Variants in SLC41A1 observed in about 807,000 individuals in gnomAD.
SLC41A1 encodes the protein solute carrier family 41 member 1.
A neutral mutation model predicts 47.3 loss-of-function variants in SLC41A1; 20 were observed. The observed-to-expected ratio is 0.42, with a 90% CI of 0.30 to 0.61. The LOEUF is 0.61. Ranked by LOEUF, SLC41A1 falls within the 20% of genes least tolerant of loss-of-function variation. The probability of loss-of-function intolerance (pLI) is 0.17; values close to 1 mark genes in which losing one functional copy is unlikely to be tolerated. For missense variants in SLC41A1, 504 were observed against 674.1 expected, an observed-to-expected ratio of 0.75 and a Z score of 2.79; for synonymous variants, 282 against 272.7, an observed-to-expected ratio of 1.03 and a Z score of -0.34.
intron 10 of SLC41A1, among the ~76,000 whole-genome samples, chr1:205,793,342 A>G (rs1347458482): frequency 6.6e-6 from 1 of 152,188 alleles, no homozygotes; most frequent in East Asian, 1.9e-4. Flanking sequence ...GGTATTCATC[A>G]TGGGTGATGG....
chr1:205,796,142 G>A (rs1370687758), intron 8 of SLC41A1: 2 of 160,184 alleles, frequency 1.2e-5, no homozygotes, highest in African/African-American at 4.8e-5. Flanking sequence ...TGTTCAGTGG[G>A]AGGCAACAGC....
At chr1:205,805,000 C>T (rs1015900975) in intron 2 of SLC41A1, among the ~76,000 whole-genome samples, 6 of 152,134 alleles carry the variant, frequency 3.9e-5, no homozygotes, top group Non-Finnish European at 1.5e-5. Flanking sequence ...ACCATAAGCA[C>T]CCCAAATCTC....
At chr1:205,800,921 T>C (rs757688432) in intron 3 of SLC41A1, 32 bp downstream of exon 3, 1 of 1,589,264 alleles carries the variant, frequency 6.3e-7, no homozygotes, top group Admixed American at 1.7e-5. Flanking sequence ...GAGTCCTCTC[T>C]GTGCCCCACT....
intron 7 of SLC41A1, among the ~76,000 whole-genome samples, chr1:205,797,242 C>T (rs1485447658): frequency 6.6e-6 from 1 of 152,248 alleles, no homozygotes; most frequent in African/African-American, 2.4e-5. Flanking sequence ...CAACCACCTC[C>T]TGTACCTGCC....
chr1:205,793,636 T>C (rs575110237), intron 10 of SLC41A1, among the ~76,000 whole-genome samples: 5 of 152,226 alleles, frequency 3.3e-5, no homozygotes, highest in African/African-American at 9.7e-5. Context: ...AATTATGGTC[T>C]GTGTATCACA....
In SLC41A1 at chr1:205,804,045, A is replaced by C. The variant is rs571592631; in HGVS notation, c.373-2985T>G. ...CTGGGGAAGATGAGGAGTTCTGGAGATCTGTTGTACAATGAGGTGAATATA... is the reference window on the plus strand; with the variant it reads ...CTGGGGAAGATGAGGAGTTCTGGAGCTCTGTTGTACAATGAGGTGAATATA... On this transcript the variant is annotated intron_variant, in intron 2 of 10. Transcript: ENST00000367137. Among the ~76,000 whole-genome samples the C allele has an allele frequency of 1.2e-3, 187 of 152,266 alleles. No individual in the cohort carries two copies. The Middle Eastern group carries it at 0.014, about 11-fold the overall frequency.
At chr1:205,797,076 C>A in intron 7 of SLC41A1, 73 bp from the exon 8 acceptor site, 1 of 1,310,768 alleles carries the variant, frequency 7.6e-7, no homozygotes, top group Middle Eastern at 1.8e-4. Flanking sequence ...GATGAGAGGT[C>A]CAGGCCCACC....
rs1441328834 is a variant in SLC41A1 at position 205,800,959 on chromosome 1, G to A, written c.474C>T (p.Ser158=). 1.2e-6 allele frequency: 2 copies of A among 1,613,902 alleles called. No homozygotes were observed. Among genetic ancestry groups the A allele is most frequent in the Non-Finnish European group, 1.7e-6 (2 of 1,179,938 alleles). Residue 158 remains serine (S), a synonymous_variant, in exon 3 of 11, where the codon TCC becomes TCT. Transcript: ENST00000367137. ...TCCCAGCCAGGATACTCACTGCAGT[G>A]GAAAGCCTTGATGCCAGGGTCATTT... ...NLEMTLASRL[S]TAANIGHMDT... is the part of the protein sequence containing the mutation.
chr1:205,793,614 C>G (rs766256052), intron 10 of SLC41A1, among the ~76,000 whole-genome samples: 1 of 152,164 alleles, frequency 6.6e-6, no homozygotes, highest in Non-Finnish European at 1.5e-5. Flanking sequence ...CAATACAGGA[C>G]TGGCGAAATA....
At position 205,798,725 on chromosome 1, in the gene SLC41A1, T is replaced by C; in HGVS notation, c.788A>G (p.Asp263Gly). The C allele has an allele frequency of 6.2e-7, 1 of 1,614,072 alleles. No individual in the cohort carries two copies. Among genetic ancestry groups the C allele is most frequent in the Non-Finnish European group, 8.5e-7 (1 of 1,180,020 alleles). The change falls in exon 6 of 11, where the codon GAC becomes GGC. Residue 263 changes from aspartate (D) to glycine (G), a missense_variant. Physicochemically the swap from Asp to Gly is moderately conservative, Grantham distance 94. Transcript: ENST00000367137. The part of the protein sequence containing the change: ...VATPIAASLG[D>G]LITLALLSGI... ...TGAGAGCAGCGCCAAGGTGATGAGG[T>C]CGCCCAGGCTGGCAGCAATGGGTGT...
At chr1:205,809,355 C>A (rs1317011009) in intron 2 of SLC41A1, among the ~76,000 whole-genome samples, 2 of 152,202 alleles carry the variant, frequency 1.3e-5, no homozygotes, top group African/African-American at 2.4e-5. Context: ...ACCCTCTTTG[C>A]CCAGGGCAGG....
intron 7 of SLC41A1, 51 bp from the exon 8 acceptor site, chr1:205,797,054 CT>C: frequency 6.5e-7 from 1 of 1,541,148 alleles, no homozygotes; most frequent in Non-Finnish European, 8.9e-7. Flanking sequence ...AGGGTTCTGC[CT>C]TAGTCTCTGG....
chr1:205,800,958 T>C lies in SLC41A1; in HGVS notation c.475A>G (p.Thr159Ala). The change falls in exon 3 of 11, where the codon ACT (threonine) becomes GCT (alanine). Residue 159 changes from threonine to alanine, a missense_variant. By Grantham distance (58) the Thr-to-Ala change is moderately conservative (BLOSUM62 0). Around this residue, in one of 2 missense-constraint regions of SLC41A1, gnomAD observed 421 missense variants for 601.6 expected, o/e 0.70. Transcript: ENST00000367137. ...LEMTLASRLS[T>A]AANIGHMDTP... Reference sequence around the variant, plus strand: ...CTCCCAGCCAGGATACTCACTGCAGTGGAAAGCCTTGATGCCAGGGTCATT... The same window carrying C: ...CTCCCAGCCAGGATACTCACTGCAGCGGAAAGCCTTGATGCCAGGGTCATT... The C allele has an allele frequency of 6.2e-7, 1 of 1,613,952 alleles. No individual in the cohort carries two copies. Among genetic ancestry groups the C allele is most frequent in the South Asian group, 1.1e-5 (1 of 91,078 alleles).
intron 5 of SLC41A1, 28 bp from the exon 6 acceptor site, chr1:205,798,843 G>C: frequency 6.2e-7 from 1 of 1,614,184 alleles, no homozygotes; most frequent in Non-Finnish European, 8.5e-7. Flanking sequence ...GGAGGGGCAG[G>C]CAGGGTGAGA....
Position 205,791,832 on chromosome 1 carries a change from A to C in SLC41A1, c.1357-114T>G. The C allele has an allele frequency of 7.5e-7, 1 of 1,339,686 alleles. No individual in the cohort carries two copies. The highest frequency in any genetic ancestry group is 1.0e-6 in the Non-Finnish European group (1 of 957,636). The allele number at this position is 1,339,686 out of a possible 1,614,324, so 83.0% of individuals were successfully genotyped here. ...CAGGGCTTGGCTGGCCATAATCCTT[A>C]CTTTTTAATCTTCCTCTTTCCACCC... is the stretch of plus-strand genomic sequence containing the variant. On this transcript the variant is annotated intron_variant, in intron 10 of 10. Transcript: ENST00000367137. The surrounding 1 kb of genome is among the most constrained non-coding windows in gnomAD (Gnocchi z 4.0).
At chr1:205,809,024 T>TG (rs1247284260) in intron 2 of SLC41A1, among the ~76,000 whole-genome samples, 1 of 152,170 alleles carries the variant, frequency 6.6e-6, no homozygotes, top group Non-Finnish European at 1.5e-5. Flanking sequence ...CAGGGAACAC[T>TG]GGGGGTCCCA....
At chr1:205,795,706 C>T in intron 8 of SLC41A1, 2 of 617,690 alleles carry the variant, frequency 3.2e-6, no homozygotes, top group Non-Finnish European at 5.8e-6. Flanking sequence ...CCCCCATCCT[C>T]CCCTCTATGG....
At chr1:205,798,587 A>T (rs1163958898) in intron 6 of SLC41A1, 82 bp downstream of exon 6, 3 of 1,589,664 alleles carry the variant, frequency 1.9e-6, no homozygotes, top group Non-Finnish European at 2.6e-6. Context: ...AACACAGAAG[A>T]AACTCTTGCA....
At position 205,810,419 on chromosome 1, in the gene SLC41A1, T is replaced by C; in HGVS notation, c.23A>G (p.Lys8Arg). 1 of 1,614,224 alleles carries C rather than the reference T, an allele frequency of 6.2e-7. No individual in the cohort carries two copies. The highest frequency in any genetic ancestry group is 8.5e-7 in the Non-Finnish European group (1 of 1,180,034). The change falls in exon 2 of 11, where the codon AAG becomes AGG. Residue 8 changes from lysine (K) to arginine (R), a missense_variant. Around this residue, in one of 2 missense-constraint regions of SLC41A1, gnomAD observed 83 missense variants for 72.5 expected, o/e 1.15. Coordinates refer to ENST00000367137, the MANE Select transcript of SLC41A1 (RefSeq NM_173854.6). This position sits in a 1 kb window ranked among gnomAD's most constrained non-coding sequence, Gnocchi z 5.5. MSSKPEP[K>R]DVHQLNGTGP... ...AGTCCCGTTCAGTTGGTGGACGTCC[T>C]TCGGCTCTGGCTTAGAGGACATGAC...
Sources: allele counts gnomAD v4.1 joint callset (sites outside exome capture counted in the v4.1 genomes callset), GRCh38; gene constraint gnomAD v4.1.1; regional missense constraint gnomAD v4.1.1; non-coding constraint Gnocchi (gnomAD v3.1); transcripts MANE v1.5; gene names NCBI Gene and HGNC (gene_info 2026-07-23, HGNC 2026-07-21).